The following TOX4 variants were observed in gnomAD, a reference collection of about 807,000 sequenced individuals.
TOX4 encodes the protein epidermal Langerhans cell protein LCP1.
TOX4 carries 12 observed loss-of-function variants against 61.0 expected under a neutral mutation model. The observed-to-expected ratio is 0.20, with a 90% CI of 0.13 to 0.32. TOX4 has a LOEUF of 0.32. TOX4 is among the 10% of genes least tolerant of loss of function. The pLI, the probability that TOX4 is intolerant of heterozygous loss-of-function variation, is 1.00. For missense variants in TOX4, 499 were observed against 753.3 expected, an observed-to-expected ratio of 0.66 and a Z score of 3.95; for synonymous variants, 268 against 274.8, an observed-to-expected ratio of 0.98 and a Z score of 0.24.
chr14:21,487,405 T>C (rs1442387069), intron 2 of TOX4, 46 bp from the exon 3 acceptor site: 1 of 1,597,192 alleles, frequency 6.3e-7, no homozygotes, highest in Non-Finnish European at 8.6e-7. Flanking sequence ...TAGTATGCCA[T>C]TTCTCCTCTT....
Position 21,496,977 on chromosome 14 carries a change from C to A in TOX4, c.*371C>A, listed in dbSNP as rs1412022184. The A allele has an allele frequency of 5.2e-6, 1 of 191,392 alleles. No homozygotes were observed. The allele number at this position is 191,392 out of a possible 1,614,324, so 11.9% of individuals were successfully genotyped here. Reference sequence around the variant, plus strand: ...TACGGGAGTGTACTCAGCTTTGAGCCTAGGAGAAAATGCCACTGTGTGCAT... The same window carrying A: ...TACGGGAGTGTACTCAGCTTTGAGCATAGGAGAAAATGCCACTGTGTGCAT... On this transcript the variant is annotated 3_prime_UTR_variant, in exon 9 of 9. Transcript: ENST00000448790.
In TOX4 at chr14:21,497,280, A is replaced by G. The variant is rs1370397137; in HGVS notation, c.*674A>G. ...ACTTGTGTTTGATGAACTATCTTTA[A>G]AAGACCATAGGTCTATCATTATTTC... is the stretch of plus-strand genomic sequence containing the variant. On this transcript the variant is annotated 3_prime_UTR_variant, in exon 9 of 9. Coordinates refer to ENST00000448790, the MANE Select transcript of TOX4 (RefSeq NM_014828.4). The G allele has an allele frequency of 6.6e-6, 1 of 152,240 alleles. No individual in the cohort carries two copies. The highest frequency in any genetic ancestry group is 2.4e-5 in the African/African-American group (1 of 41,450). 9.4% of individuals were successfully genotyped at this position (152,240 alleles called of 1,614,324 possible).
chr14:21,483,746 TTC>T (rs36072627), intron 2 of TOX4, among the ~76,000 whole-genome samples: 22,809 of 151,988 alleles, frequency 0.15, 1,756 homozygotes, highest in Admixed American at 0.23. Flanking sequence ...AAAAGTTCAG[TTC>T]TTGGGGAAAG....
chr14:21,496,798 A>G lies in TOX4; in HGVS notation c.*192A>G. On this transcript the variant is annotated 3_prime_UTR_variant, in exon 9 of 9. Coordinates refer to ENST00000448790, the MANE Select transcript of TOX4 (RefSeq NM_014828.4). ...GGCCACTGAATTTGCTGTAATCTGG[A>G]GATGCTTTTTACTTTCAACCATAAG... The G allele has an allele frequency of 1.8e-6, 1 of 562,520 alleles. No individual in the cohort carries two copies. The highest frequency in any genetic ancestry group is 3.2e-6 in the Non-Finnish European group (1 of 316,086). 34.8% of individuals were successfully genotyped at this position (562,520 alleles called of 1,614,324 possible).
intron 7 of TOX4, among the ~76,000 whole-genome samples, chr14:21,494,363 T>C (rs1891355360): frequency 6.6e-6 from 1 of 152,128 alleles, no homozygotes; most frequent in South Asian, 2.1e-4. Context: ...CCCAGCACTT[T>C]GGGAGGCCAA....
intron 7 of TOX4, 83 bp from the exon 8 acceptor site, chr14:21,495,146 T>C: frequency 6.7e-7 from 1 of 1,481,582 alleles, no homozygotes; most frequent in Non-Finnish European, 9.2e-7. Flanking sequence ...GTTGCTTCAT[T>C]GGTTTCTACA....
Position 21,492,313 on chromosome 14 carries a change from T to C in TOX4, c.828T>C (p.Thr276=). Residue 276 remains threonine, a synonymous_variant, in exon 6 of 9, where the codon ACT becomes ACC. Coordinates refer to ENST00000448790, the MANE Select transcript of TOX4 (RefSeq NM_014828.4). ...EEQKQVYKRK[T]EAAKKEYLKA... ...TTTTGCAGGTATATAAGAGGAAAAC[T>C]GAGGCTGCCAAGAAAGAGTATCTGA... 1 of 1,613,558 alleles carries C rather than the reference T, an allele frequency of 6.2e-7. No homozygotes were observed. Among genetic ancestry groups the C allele is most frequent in the Non-Finnish European group, 8.5e-7 (1 of 1,179,862 alleles).
intron 5 of TOX4, among the ~76,000 whole-genome samples, chr14:21,490,866 C>T (rs971432172): frequency 1.3e-5 from 2 of 152,218 alleles, no homozygotes; most frequent in Non-Finnish European, 2.9e-5. Context: ...GCTCCTGTTA[C>T]CCAGGCTGCA....
At chr14:21,496,211 CAAA>C (rs570396556) in intron 8 of TOX4, 230 of 110,172 alleles carry the variant, frequency 2.1e-3, no homozygotes, top group South Asian at 5.6e-3. Context: ...GACTCCATCT[CAAA>C]AAAAAAAAAA....
At position 21,477,558 on chromosome 14, in the gene TOX4, G is replaced by C. The variant is rs1292576274; in HGVS notation, c.69G>C (p.Gly23=). The part of the protein sequence containing the change: ...ITGPSHPFLS[G]AETFHTPSLG... ...GGCCTTCGCACCCCTTCCTGTCAGG[G>C]GCCGAGGTGAGCCAGAGCTGCCGAC... Residue 23 remains glycine (G), a synonymous_variant, in exon 2 of 9, where the codon GGG becomes GGC. Transcript: ENST00000448790. 12 of 1,613,558 alleles carry C rather than the reference G, an allele frequency of 7.4e-6. No individual in the cohort carries two copies. The highest frequency in any genetic ancestry group is 5.0e-5 in the Admixed American group (3 of 59,998).
chr14:21,493,340 A>G, intron 7 of TOX4, 83 bp downstream of exon 7: 1 of 1,470,088 alleles, frequency 6.8e-7, no homozygotes, highest in Non-Finnish European at 9.1e-7. Flanking sequence ...GGGGGTTGCT[A>G]CTAGCATTTA....
chr14:21,477,420 A>G lies in TOX4; in HGVS notation c.7-76A>G. 5 of 1,609,546 alleles carry G rather than the reference A, an allele frequency of 3.1e-6. No homozygotes were observed. In the South Asian group the frequency reaches 5.5e-5, roughly 18 times the overall value. On this transcript the variant is annotated intron_variant, in intron 1 of 8. Transcript: ENST00000448790. ...GTTTGGGGAGTGTTGTCAGAATGTC[A>G]GGGTCAAAAGCCATCGCTCCAAGCT...
intron 2 of TOX4, among the ~76,000 whole-genome samples, chr14:21,481,806 AAGAC>A (rs1379283302): frequency 2.0e-5 from 3 of 152,198 alleles, no homozygotes; most frequent in Non-Finnish European, 4.4e-5. Context: ...TGAGTAGAAA[AAGAC>A]AGACATAAAA....
chr14:21,486,496 C>T (rs1261627488), intron 2 of TOX4, among the ~76,000 whole-genome samples: 1 of 151,014 alleles, frequency 6.6e-6, no homozygotes, highest in Non-Finnish European at 1.5e-5. Flanking sequence ...AGGGGATTAC[C>T]ATTATAATTC....
Position 21,488,601 on chromosome 14 carries a change from C to T in TOX4, c.330C>T (p.His110=). 6.2e-7 allele frequency: 1 copy of T among 1,614,094 alleles called. No individual in the cohort carries two copies. Among genetic ancestry groups the T allele is most frequent in the Non-Finnish European group, 8.5e-7 (1 of 1,180,000 alleles). Reference sequence around the variant, plus strand: ...TCTGCTTCTCTCAGGACTTGGACCACTCTATAGGAACTCAGTATAGTGCCA... The same window carrying T: ...TCTGCTTCTCTCAGGACTTGGACCATTCTATAGGAACTCAGTATAGTGCCA... ...LSGGLTMDLD[H]SIGTQYSANP... The change falls in exon 4 of 9, where the codon CAC becomes CAT. Residue 110 remains histidine (H), a synonymous_variant. Coordinates refer to ENST00000448790, the MANE Select transcript of TOX4 (RefSeq NM_014828.4).
At chr14:21,481,274 G>A (rs769600886) in intron 2 of TOX4, among the ~76,000 whole-genome samples, 1 of 152,042 alleles carries the variant, frequency 6.6e-6, no homozygotes, top group African/African-American at 2.4e-5. Context: ...CACCTCTCAC[G>A]TTCAAGCAAC....
At chr14:21,484,091 G>A (rs967117070) in intron 2 of TOX4, among the ~76,000 whole-genome samples, 1 of 152,108 alleles carries the variant, frequency 6.6e-6, no homozygotes, top group African/African-American at 2.4e-5. Flanking sequence ...TTACAGGTGT[G>A]AGCCACCACT....
Position 21,496,529 on chromosome 14 carries a change from G to A in TOX4, c.1806-17G>A, listed in dbSNP as rs369839156. The A allele has an allele frequency of 9.3e-6, 15 of 1,607,176 alleles. No homozygotes were observed. In the African/African-American group the frequency reaches 1.9e-4, roughly 20 times the overall value. Reference sequence around the variant, plus strand: ...TTTGTGTATAATTCTGTTTGTGTATGTCTTTTTCTCTCTTAGGGATGTATT... The same window carrying A: ...TTTGTGTATAATTCTGTTTGTGTATATCTTTTTCTCTCTTAGGGATGTATT... On this transcript the variant is annotated splice_polypyrimidine_tract_variant and intron_variant, in intron 8 of 8. Coordinates refer to ENST00000448790, the MANE Select transcript of TOX4 (RefSeq NM_014828.4).
intron 5 of TOX4, 94 bp downstream of exon 5, chr14:21,489,497 A>T (rs1891247818): frequency 1.9e-6 from 2 of 1,066,848 alleles, no homozygotes; most frequent in South Asian, 3.2e-5. Context: ...GTCCTTATCT[A>T]ATATCAGCTG....
Sources: gnomAD v4.1 joint callset for allele counts (sites outside exome capture counted in the v4.1 genomes callset) on GRCh38, gnomAD v4.1.1 for gene constraint, MANE v1.5 for transcripts, NCBI Gene and HGNC (gene_info 2026-07-23, HGNC 2026-07-21) for gene names.